HNF1B: variants seen among roughly 807,000 people sequenced by gnomAD.
The protein encoded by HNF1B is hepatocyte nuclear factor 1-beta.
Under a neutral mutation model 61.7 loss-of-function variants are expected in HNF1B, and 8 were observed. That is an observed-to-expected ratio of 0.13 (90% CI 0.08 to 0.23). The LOEUF (loss-of-function observed/expected upper bound fraction) is 0.23. Ranked by LOEUF, HNF1B falls within the 10% of genes least tolerant of loss-of-function variation. The probability of loss-of-function intolerance (pLI) is 1.00; values close to 1 mark genes in which losing one functional copy is unlikely to be tolerated. For missense variants in HNF1B, 562 were observed against 714.5 expected (o/e 0.79, Z 2.43); for synonymous variants, 314 against 287.7 (o/e 1.09, Z -0.93).
chr17:37,706,668 C>T (rs2032759389), intron 5 of HNF1B, among the ~76,000 whole-genome samples: 2 of 130,398 alleles, frequency 1.5e-5, no homozygotes, highest in East Asian at 2.3e-4. Context: ...TTTCAAAATA[C>T]CAGTCATTAA....
intron 1 of HNF1B, among the ~76,000 whole-genome samples, chr17:37,740,738 T>C (rs1211267382): frequency 1.3e-5 from 2 of 152,214 alleles, no homozygotes; most frequent in African/African-American, 4.8e-5. Flanking sequence ...TAGATGCTTG[T>C]TTTCCTGTAT....
chr17:37,687,473 G>T, intron 8 of HNF1B, 81 bp from the exon 9 acceptor site: 1 of 1,055,952 alleles, frequency 9.5e-7, no homozygotes, highest in Non-Finnish European at 1.5e-6. Flanking sequence ...CTCTAAGGGA[G>T]ATGATGCCCA....
At chr17:37,702,359 G>A (rs1328204889) in intron 6 of HNF1B, among the ~76,000 whole-genome samples, 2 of 152,160 alleles carry the variant, frequency 1.3e-5, no homozygotes, top group African/African-American at 4.8e-5. Context: ...TAAAAGGCGA[G>A]ACCCCTGAGC....
chr17:37,726,261 C>T (rs1406502396), intron 4 of HNF1B, among the ~76,000 whole-genome samples: 1 of 152,196 alleles, frequency 6.6e-6, no homozygotes, highest in Non-Finnish European at 1.5e-5. Context: ...CAAAACCTCT[C>T]CCCACCACTT....
intron 8 of HNF1B, among the ~76,000 whole-genome samples, chr17:37,688,072 T>C (rs936110210): frequency 1.2e-4 from 19 of 152,128 alleles, no homozygotes; most frequent in Non-Finnish European, 2.2e-4. Flanking sequence ...CATAAGAAAC[T>C]CAGAGGACCA....
chr17:37,695,970 GA>G (rs1409500215), intron 8 of HNF1B, among the ~76,000 whole-genome samples: 3 of 152,174 alleles, frequency 2.0e-5, no homozygotes, highest in Admixed American at 2.0e-4. Flanking sequence ...CTCAATGTGA[GA>G]AGGACATGAG....
intron 1 of HNF1B, among the ~76,000 whole-genome samples, chr17:37,743,042 C>G (rs2034046328): frequency 6.6e-6 from 1 of 152,214 alleles, no homozygotes; most frequent in African/African-American, 2.4e-5. Flanking sequence ...CACCCCAACT[C>G]CACGTGCTGC....
chr17:37,699,240 A>C lies in HNF1B; in HGVS notation c.1535-46T>G, dbSNP rs2269842. 0.29 allele frequency: 415,256 copies of C among 1,433,956 alleles called. 61,996 individuals carry two copies. Among genetic ancestry groups the C allele is most frequent in the African/African-American group, 0.47 (33,767 of 71,188 alleles). The allele number at this position is 1,433,956 out of a possible 1,614,324, so 88.8% of individuals were successfully genotyped here. Reference sequence around the variant, plus strand: ...CAGAATCAAGGTGCATACACAGGCAAAGACACAGGTACAGAGCCCCCATCC... The same window carrying C: ...CAGAATCAAGGTGCATACACAGGCACAGACACAGGTACAGAGCCCCCATCC... On this transcript the variant is annotated intron_variant, in intron 7 of 8. Transcript: ENST00000617811.
chr17:37,726,097 G>A (rs2033485696), intron 4 of HNF1B, among the ~76,000 whole-genome samples: 1 of 152,056 alleles, frequency 6.6e-6, no homozygotes, highest in Admixed American at 6.6e-5. Context: ...GTCATTTAGA[G>A]GGGAACAGTA....
Position 37,744,905 on chromosome 17 carries a change from A to ATTG in HNF1B, c.-22_-21insCAA. On this transcript the variant is annotated 5_prime_UTR_variant, in exon 1 of 9. Transcript: ENST00000617811. ...ACCATTTTCCAAGGACGGAAAAAGAAGGGGGTGAGGGGGTGGGTGGGTGCG... is the reference window on the plus strand; with the variant it reads ...ACCATTTTCCAAGGACGGAAAAAGAATTGGGGGGTGAGGGGGTGGGTGGGTGCG... 3.3e-6 allele frequency: 1 copy of ATTG among 306,168 alleles called. No individual in the cohort carries two copies. The highest frequency in any genetic ancestry group is 6.2e-6 in the Non-Finnish European group (1 of 160,504). The allele number at this position is 306,168 out of a possible 1,614,324, so 19.0% of individuals were successfully genotyped here.
intron 2 of HNF1B, among the ~76,000 whole-genome samples, chr17:37,739,106 G>C (rs761274375): frequency 6.6e-6 from 1 of 152,162 alleles, no homozygotes; most frequent in Non-Finnish European, 1.5e-5. Context: ...GGGAGATGCT[G>C]GGTTTTCTCT....
At chr17:37,743,618 C>T (rs1027847098) in intron 1 of HNF1B, among the ~76,000 whole-genome samples, 7 of 152,230 alleles carry the variant, frequency 4.6e-5, no homozygotes, top group African/African-American at 1.7e-4. Flanking sequence ...TGTCCTAAAG[C>T]GGAGTGGCCC....
At position 37,745,044 on chromosome 17, in the gene HNF1B, G is replaced by A; in HGVS notation, c.-160C>T. The stretch of plus-strand genomic sequence containing the variant: ...GGGGTCCCGGAGGCTCCTCCGAAAG[G>A]AGTCAGAAAACTTCTAACTTGCCAT... On this transcript the variant is annotated 5_prime_UTR_variant, in exon 1 of 9. Transcript: ENST00000617811. 6.2e-6 allele frequency: 4 copies of A among 643,440 alleles called. No homozygotes were observed. The highest frequency in any genetic ancestry group is 3.9e-5 in the South Asian group (2 of 51,440). The allele number at this position is 643,440 out of a possible 1,614,324, so 39.9% of individuals were successfully genotyped here.
intron 5 of HNF1B, among the ~76,000 whole-genome samples, chr17:37,705,376 G>A (rs998219619): frequency 6.6e-6 from 1 of 152,218 alleles, no homozygotes; most frequent in Non-Finnish European, 1.5e-5. Context: ...TGGGGATAGA[G>A]CAGTAAGTAA....
chr17:37,724,910 G>A (rs868746735), intron 4 of HNF1B, among the ~76,000 whole-genome samples: 2,317 of 78,036 alleles, frequency 0.03, 60 homozygotes, highest in African/African-American at 0.15. Flanking sequence ...ATGCGTGTGT[G>A]TGTGTGTGTG....
intron 4 of HNF1B, among the ~76,000 whole-genome samples, chr17:37,716,889 C>A (rs1203691709): frequency 7.8e-6 from 1 of 128,120 alleles, no homozygotes. Context: ...TCTCTCTCTG[C>A]CATAACTCTC....
intron 4 of HNF1B, among the ~76,000 whole-genome samples, chr17:37,711,788 A>T (rs1306857015): frequency 2.0e-5 from 3 of 152,086 alleles, no homozygotes; most frequent in Non-Finnish European, 2.9e-5. Flanking sequence ...AGGTGGACCA[A>T]CTCTTTAGCT....
chr17:37,702,959 CT>C (rs1297072660), intron 6 of HNF1B, among the ~76,000 whole-genome samples: 1 of 152,186 alleles, frequency 6.6e-6, no homozygotes, highest in Non-Finnish European at 1.5e-5. Flanking sequence ...GGGAAGTATG[CT>C]ATCCAGTCCA....
intron 8 of HNF1B, among the ~76,000 whole-genome samples, chr17:37,691,298 T>C (rs1188099831): frequency 5.3e-5 from 8 of 152,174 alleles, no homozygotes; most frequent in African/African-American, 1.4e-4. Flanking sequence ...CATGAACTTA[T>C]GTGAGATTCA....
Sources: gnomAD v4.1 joint callset for allele counts (sites outside exome capture counted in the v4.1 genomes callset) on GRCh38, gnomAD v4.1.1 for gene constraint, MANE v1.5 for transcripts, NCBI Gene and HGNC (gene_info 2026-07-23, HGNC 2026-07-21) for gene names.